Variants in NACC2 observed in about 807,000 individuals in gnomAD.
NACC2 encodes NACC family member 2, also known as nucleus accumbens-associated protein 2.
NACC2 carries 8 observed loss-of-function variants against 25.1 expected under a neutral mutation model. The ratio of observed to expected loss-of-function variants is 0.32; its 90% CI spans 0.19 to 0.57. The LOEUF (loss-of-function observed/expected upper bound fraction) is 0.57, where lower values mean the gene tolerates loss of function less well. Among genes scored for constraint, NACC2 ranks in the 20% least tolerant of loss-of-function variants. The pLI, the probability that NACC2 is intolerant of heterozygous loss-of-function variation, is 0.89. For missense variants in NACC2, 644 were observed against 650.2 expected, an observed-to-expected ratio of 0.99 and a Z score of 0.10; for synonymous variants, 435 against 294.7, an observed-to-expected ratio of 1.48 and a Z score of -4.88.
At chr9:136,059,450 A>G (rs1840977637) in intron 1 of NACC2, among the ~76,000 whole-genome samples, 1 of 152,194 alleles carries the variant, frequency 6.6e-6, no homozygotes, top group Non-Finnish European at 1.5e-5. Flanking sequence ...GAAAGTGGAC[A>G]GCGGCAGCCC....
At chr9:136,012,484 G>A (rs1403445029) in intron 5 of NACC2, among the ~76,000 whole-genome samples, 1 of 152,230 alleles carries the variant, frequency 6.6e-6, no homozygotes, top group Non-Finnish European at 1.5e-5. Context: ...CCAAGGCCGG[G>A]TCATTCCTCC....
chr9:136,036,901 C>A (rs941710583), intron 2 of NACC2, among the ~76,000 whole-genome samples: 46 of 152,180 alleles, frequency 3.0e-4, no homozygotes, highest in Admixed American at 2.2e-3. Flanking sequence ...GAAAGCTCAA[C>A]AAATCCTAAG....
At chr9:136,074,470 A>ATTAGCCAGGCATG (rs1333195532) in intron 1 of NACC2, among the ~76,000 whole-genome samples, 6 of 37,040 alleles carry the variant, frequency 1.6e-4, no homozygotes, top group Admixed American at 3.5e-4. Flanking sequence ...AAAAGAAAAA[A>ATTAGCCAGGCATG]GAAGAAAAAG....
In NACC2 at chr9:136,040,279, A is replaced by G. The variant is rs1840608593; in HGVS notation, c.886+9357T>C. 2.6e-5 allele frequency among the ~76,000 whole-genome samples: 4 copies of G among 151,950 alleles called. No individual in the cohort carries two copies. In the East Asian group the frequency reaches 5.8e-4, roughly 22 times the overall value. ...AGAATGGCGTGAACCCAGGAGGCAG[A>G]GGTTGCAGTGAGCCAAGATCACACC... On this transcript the variant is annotated intron_variant, in intron 2 of 5. Coordinates refer to ENST00000277554, the MANE Select transcript of NACC2 (RefSeq NM_144653.5).
intron 1 of NACC2, among the ~76,000 whole-genome samples, 181 bp from the exon 2 acceptor site, chr9:136,050,761 C>T (rs1840818269): frequency 6.6e-6 from 1 of 152,148 alleles, no homozygotes; most frequent in African/African-American, 2.4e-5. Flanking sequence ...CTCCCAGACC[C>T]CCTGGCAGAC....
At chr9:136,024,153 AGAGT>A (rs753039323) in intron 2 of NACC2, among the ~76,000 whole-genome samples, 68 of 92,770 alleles carry the variant, frequency 7.3e-4, no homozygotes, top group Admixed American at 1.0e-3. Flanking sequence ...GTGTGGGGAC[AGAGT>A]GTGTGTGTGT....
chr9:136,080,515 G>A (rs1305951361), intron 1 of NACC2, among the ~76,000 whole-genome samples: 1 of 152,132 alleles, frequency 6.6e-6, no homozygotes, highest in African/African-American at 2.4e-5. Context: ...GAGGTTGTGT[G>A]CTGAGATCGT....
chr9:136,006,971 C>T lies in NACC2; in HGVS notation c.*4545G>A, dbSNP rs1453659567. 3 of 153,724 alleles carry T rather than the reference C, an allele frequency of 2.0e-5. No homozygotes were observed. The highest frequency in any genetic ancestry group is 3.8e-4 in the East Asian group (2 of 5,200). 9.5% of individuals were successfully genotyped at this position (153,724 alleles called of 1,614,324 possible). On this transcript the variant is annotated 3_prime_UTR_variant, in exon 6 of 6. Coordinates refer to ENST00000277554, the MANE Select transcript of NACC2 (RefSeq NM_144653.5). The stretch of plus-strand genomic sequence containing the variant: ...ACAGACTCTTTAAAACAACCGTCTC[C>T]TTTTTAAAAGTCTCTTTTTTCCAAA...
At chr9:136,082,735 A>G (rs931898238) in intron 1 of NACC2, among the ~76,000 whole-genome samples, 1 of 152,126 alleles carries the variant, frequency 6.6e-6, no homozygotes, top group African/African-American at 2.4e-5. Context: ...CGTGTGCACC[A>G]TCAGATCACA....
At chr9:136,029,127 G>A (rs762822426) in intron 2 of NACC2, among the ~76,000 whole-genome samples, 8 of 152,192 alleles carry the variant, frequency 5.3e-5, no homozygotes, top group African/African-American at 1.9e-4. Context: ...TGTCAGTTCC[G>A]CAGACTGGAG....
At chr9:136,089,517 C>T (rs935356392) in intron 1 of NACC2, among the ~76,000 whole-genome samples, 1 of 151,902 alleles carries the variant, frequency 6.6e-6, no homozygotes, top group Non-Finnish European at 1.5e-5. Flanking sequence ...CTCCTGTTAG[C>T]CCCTCCCCCA....
intron 2 of NACC2, 120 bp downstream of exon 2, chr9:136,049,516 G>C (rs781653855): frequency 4.9e-6 from 3 of 613,208 alleles, no homozygotes; most frequent in Middle Eastern, 4.4e-4. Context: ...CTCCAGGCTT[G>C]GTGGGGGGCT....
At chr9:136,072,436 T>C (rs1012640010) in intron 1 of NACC2, among the ~76,000 whole-genome samples, 1 of 152,136 alleles carries the variant, frequency 6.6e-6, no homozygotes, top group South Asian at 2.1e-4. Context: ...TCCCAGCTAC[T>C]TGAGAGGCTG....
Position 136,008,848 on chromosome 9 carries a change from C to A in NACC2, c.*2668G>T, listed in dbSNP as rs962954666. ...TTAGTGCAAAATGCTCGGCCTGGCCCGCCCGGGGCGCAGGGAGAGCTCAGA... is the reference window on the plus strand; with the variant it reads ...TTAGTGCAAAATGCTCGGCCTGGCCAGCCCGGGGCGCAGGGAGAGCTCAGA... On this transcript the variant is annotated 3_prime_UTR_variant, in exon 6 of 6. Transcript: ENST00000277554. 6.6e-6 allele frequency: 1 copy of A among 152,316 alleles called. No individual in the cohort carries two copies. The highest frequency in any genetic ancestry group is 1.5e-5 in the Non-Finnish European group (1 of 68,088). 9.4% of individuals were successfully genotyped at this position (152,316 alleles called of 1,614,324 possible).
intron 1 of NACC2, among the ~76,000 whole-genome samples, chr9:136,085,136 A>ATTTTT (rs1485667550): frequency 1.2e-5 from 1 of 83,246 alleles, no homozygotes; most frequent in African/African-American, 3.5e-5. Context: ...CCATTTCTAC[A>ATTTTT]ATTTTTTTTT....
rs1840106134 is a variant in NACC2 at position 136,011,553 on chromosome 9, G to A, written c.1727C>T (p.Ala576Val). ...PSRPQTPAAA[A>V]RRPEGTYAGT... ...TGCATAGGTGCCCTCCGGCCTCCGG[G>A]CCGCGGCCGCCGGCGTCTGGGGCCT... The change falls in exon 6 of 6, where the codon GCC becomes GTC. Residue 576 changes from alanine to valine, a missense_variant. By Grantham distance (64) the Ala-to-Val change is moderately conservative. Transcript: ENST00000277554. 7.1e-7 allele frequency: 1 copy of A among 1,408,110 alleles called. No homozygotes were observed. 87.2% of individuals were successfully genotyped at this position (1,408,110 alleles called of 1,614,324 possible). A position where few individuals can be genotyped will look rare whatever the true frequency, so the allele number is the denominator to read the frequency against.
At chr9:136,063,892 A>C (rs1194441506) in intron 1 of NACC2, among the ~76,000 whole-genome samples, 5 of 151,922 alleles carry the variant, frequency 3.3e-5, no homozygotes, top group Admixed American at 2.0e-4. Context: ...TCAAAAAAAA[A>C]AAAAACAAAA....
chr9:136,052,041 C>T (rs1349096400), intron 1 of NACC2, among the ~76,000 whole-genome samples: 2 of 152,222 alleles, frequency 1.3e-5, no homozygotes, highest in Non-Finnish European at 2.9e-5. Context: ...CGGATGCAGA[C>T]GAACGTTCCG....
chr9:136,050,601 G>A (rs1431572946), intron 1 of NACC2, 21 bp from the exon 2 acceptor site: 3 of 704,772 alleles, frequency 4.3e-6, no homozygotes, highest in African/African-American at 1.7e-5. Flanking sequence ...CAGGAGGCAC[G>A]TGGTCAGTTC....
Sources: allele counts gnomAD v4.1 joint callset (sites outside exome capture counted in the v4.1 genomes callset), GRCh38; gene constraint gnomAD v4.1.1; transcripts MANE v1.5; gene names NCBI Gene and HGNC (gene_info 2026-07-23, HGNC 2026-07-21).